RBBP5: variants seen among roughly 807,000 people sequenced by gnomAD.
RBBP5 encodes the protein retinoblastoma-binding protein 5.
A neutral mutation model predicts 72.2 loss-of-function variants in RBBP5; 5 were observed. The observed-to-expected ratio is 0.07, with a 90% confidence interval of 0.04 to 0.15. The LOEUF (loss-of-function observed/expected upper bound fraction) is 0.15, where lower values mean the gene tolerates loss of function less well. Among genes scored for constraint, RBBP5 ranks in the 10% least tolerant of loss-of-function variants. The pLI is 1.00. For missense variants in RBBP5, 322 were observed against 652.2 expected, an observed-to-expected ratio of 0.49 and a Z score of 5.51; for synonymous variants, 209 against 237.2, an observed-to-expected ratio of 0.88 and a Z score of 1.09.
intron 3 of RBBP5, 89 bp downstream of exon 3, chr1:205,114,699 TA>T: frequency 8.3e-7 from 1 of 1,206,010 alleles, no homozygotes; most frequent in Non-Finnish European, 1.1e-6. Context: ...TTTAAAAATC[TA>T]AGTATTAAAA....
intron 13 of RBBP5, 72 bp from the exon 14 acceptor site, chr1:205,088,887 C>T (rs1283879953): frequency 1.4e-6 from 2 of 1,395,348 alleles, no homozygotes; most frequent in South Asian, 2.6e-5. Flanking sequence ...AACAGAAATA[C>T]TGAATGCTGG....
At chr1:205,114,258 G>A (rs1465989927) in intron 3 of RBBP5, among the ~76,000 whole-genome samples, 1 of 152,156 alleles carries the variant, frequency 6.6e-6, no homozygotes, top group Non-Finnish European at 1.5e-5. Flanking sequence ...TAAAAAAAAT[G>A]CTGCCCCAAA....
chr1:205,100,435 G>A (rs1352119163), intron 6 of RBBP5, among the ~76,000 whole-genome samples, 164 bp from the exon 7 acceptor site: 2 of 152,104 alleles, frequency 1.3e-5, no homozygotes, highest in African/African-American at 4.8e-5. Flanking sequence ...AATTTTAAGT[G>A]GGAATATGTT....
intron 5 of RBBP5, 106 bp from the exon 6 acceptor site, chr1:205,101,815 T>C: frequency 1.3e-6 from 1 of 768,784 alleles, no homozygotes; most frequent in Non-Finnish European, 2.2e-6. Context: ...AATGCAAATG[T>C]CTCTATTCCC....
At chr1:205,116,871 T>C (rs759163835) in intron 1 of RBBP5, among the ~76,000 whole-genome samples, 57 of 152,300 alleles carry the variant, frequency 3.7e-4, no homozygotes, top group Admixed American at 7.2e-4. Context: ...AGTCAAATTA[T>C]CACAATTACT....
At chr1:205,098,618 T>TGG (rs1385750704) in intron 10 of RBBP5, among the ~76,000 whole-genome samples, 1 of 151,940 alleles carries the variant, frequency 6.6e-6, no homozygotes, top group Admixed American at 6.6e-5. Context: ...CCAAAGTGGG[T>TGG]GGATCACCTG....
rs1475156467 is a variant in RBBP5, at chr1:205,099,374, AT to A, written c.979-269del. Among the ~76,000 whole-genome samples the A allele has an allele frequency of 6.6e-6, 1 of 152,186 alleles. No individual in the cohort carries two copies. The highest frequency in any genetic ancestry group is 1.5e-5 in the Non-Finnish European group (1 of 68,024). On this transcript the variant is annotated intron_variant, in intron 9 of 13. Coordinates refer to ENST00000264515, the MANE Select transcript of RBBP5 (RefSeq NM_005057.4). This position sits in a 1 kb window ranked among gnomAD's most constrained non-coding sequence, Gnocchi z 4.7. ...TAGGAATTTAGAGGTAAAATGTTAA[AT>A]TTTCTTGTAAGTACACTGATTACAA... is the stretch of plus-strand genomic sequence containing the variant.
intron 1 of RBBP5, 75 bp from the exon 2 acceptor site, chr1:205,115,958 T>C (rs778709768): frequency 1.9e-6 from 3 of 1,613,520 alleles, no homozygotes; most frequent in African/African-American, 1.3e-5. Flanking sequence ...GAACAGTGTA[T>C]AGCAGTGGCT....
rs374569471 is a variant in RBBP5, at chr1:205,101,674, A to G, written c.558T>C (p.Val186=). 7.7e-5 allele frequency: 125 copies of G among 1,613,582 alleles called. No homozygotes were observed. Among genetic ancestry groups the G allele is most frequent in the Non-Finnish European group, 9.9e-5 (117 of 1,179,844 alleles). ...TTCCAGTTGTCACTCTGAAGGAAGC[A>G]ACAAGATCCTGAGAATCTGTTTTTA... is the stretch of plus-strand genomic sequence containing the variant. The part of the protein sequence containing the change: ...LVLKTDSQDL[V]ASFRVTTGTS... Residue 186 remains valine, a synonymous_variant, in exon 6 of 14, where the codon GTT becomes GTC. Coordinates refer to ENST00000264515, the MANE Select transcript of RBBP5 (RefSeq NM_005057.4).
intron 2 of RBBP5, 127 bp downstream of exon 2, chr1:205,115,726 TATAGC>T: frequency 9.3e-6 from 11 of 1,185,090 alleles, no homozygotes; most frequent in Non-Finnish European, 1.1e-5. Context: ...AGCTCCTTAT[TATAGC>T]ATAAGATATA....
intron 13 of RBBP5, among the ~76,000 whole-genome samples, chr1:205,089,534 G>A (rs934976518): frequency 3.3e-5 from 5 of 152,214 alleles, no homozygotes; most frequent in African/African-American, 1.2e-4. Flanking sequence ...TGGAATGGCA[G>A]AGAGCATGCC....
intron 3 of RBBP5, among the ~76,000 whole-genome samples, chr1:205,113,290 T>C (rs1337818166): frequency 6.7e-6 from 1 of 149,504 alleles, no homozygotes; most frequent in African/African-American, 2.4e-5. Context: ...AGAGTTCTTT[T>C]TTTTTTTAAG....
intron 13 of RBBP5, among the ~76,000 whole-genome samples, chr1:205,092,921 T>G (rs1655407981): frequency 6.6e-6 from 1 of 152,342 alleles, no homozygotes; most frequent in East Asian, 1.9e-4. Flanking sequence ...TAGACACGTT[T>G]TAAGAAGCTA....
chr1:205,121,776 G>A (rs1488104384), intron 1 of RBBP5, 79 bp downstream of exon 1: 18 of 1,599,900 alleles, frequency 1.1e-5, no homozygotes, highest in Non-Finnish European at 1.4e-5. Flanking sequence ...TAAGATTGCA[G>A]CCTGACTCCC....
rs766459080 is a variant in RBBP5, at chr1:205,114,907, T to G, written c.100A>C (p.Arg34=). 1.3e-6 allele frequency: 2 copies of G among 1,593,014 alleles called. No homozygotes were observed. Among genetic ancestry groups the G allele is most frequent in the South Asian group, 2.3e-5 (2 of 88,178 alleles). The part of the protein sequence containing the change: ...ISMALTCTFN[R]WGTLLAVGCN... ...CCAACTGCAAGCAGTGTGCCCCACC[T>G]GTTAAAGGTGCAAGTCAAAGCCATG... The change falls in exon 3 of 14, where the codon AGG becomes CGG. Residue 34 remains arginine (R), a synonymous_variant. Transcript: ENST00000264515.
rs35295093 is a variant in RBBP5 at position 205,103,223 on chromosome 1, C to CAA, written c.522+632_522+633dup. ...TAGGCAACAGAGTGAGACTCCATCT[C>CAA]AAAAAAAAAAAAAAAAAAAGGAAAA... On this transcript the variant is annotated intron_variant, in intron 5 of 13. Coordinates refer to ENST00000264515, the MANE Select transcript of RBBP5 (RefSeq NM_005057.4). Among the ~76,000 whole-genome samples, 146 of 91,268 alleles carry CAA rather than the reference C, an allele frequency of 1.6e-3. 1 individual carries two copies. Among genetic ancestry groups the CAA allele is most frequent in the Middle Eastern group, 0.015 (2 of 136 alleles). The allele number at this position is 91,268 out of a possible 152,430, so 59.9% of individuals were successfully genotyped here.
chr1:205,114,974 A>G lies in RBBP5; in HGVS notation c.46-13T>C. 1 of 1,577,912 alleles carries G rather than the reference A, an allele frequency of 6.3e-7. No individual in the cohort carries two copies. The highest frequency in any genetic ancestry group is 1.8e-5 in the Admixed American group (1 of 56,346). On this transcript the variant is annotated splice_polypyrimidine_tract_variant and intron_variant, in intron 2 of 13. Coordinates refer to ENST00000264515, the MANE Select transcript of RBBP5 (RefSeq NM_005057.4). Reference sequence around the variant, plus strand: ...TTCCATCAGCTTCCTAAAAATTGAAACAAATACAAGAATAGAGGCAACAAT... The same window carrying G: ...TTCCATCAGCTTCCTAAAAATTGAAGCAAATACAAGAATAGAGGCAACAAT...
intron 6 of RBBP5, among the ~76,000 whole-genome samples, chr1:205,100,989 A>C (rs1655797050): frequency 6.6e-6 from 1 of 152,214 alleles, no homozygotes; most frequent in Non-Finnish European, 1.5e-5. Context: ...ATGAGAATCT[A>C]ATGCTGCTGC....
chr1:205,116,006 A>G, intron 1 of RBBP5, 123 bp from the exon 2 acceptor site: 1 of 1,598,430 alleles, frequency 6.3e-7, no homozygotes, highest in Non-Finnish European at 8.5e-7. Flanking sequence ...CCTTTCAGGC[A>G]TTCCATGAGG....
Sources: allele counts gnomAD v4.1 joint callset (sites outside exome capture counted in the v4.1 genomes callset), GRCh38; gene constraint gnomAD v4.1.1; non-coding constraint Gnocchi (gnomAD v3.1); transcripts MANE v1.5; gene names NCBI Gene and HGNC (gene_info 2026-07-23, HGNC 2026-07-21).